The following PPP3CB variants were observed in gnomAD, a reference collection of about 807,000 sequenced individuals.
The protein encoded by PPP3CB is protein phosphatase 3 catalytic subunit beta.
A neutral mutation model predicts 66.4 loss-of-function variants in PPP3CB; 8 were observed. The ratio of observed to expected loss-of-function variants is 0.12; its 90% CI spans 0.07 to 0.22. The LOEUF (loss-of-function observed/expected upper bound fraction) is 0.22, where lower values mean the gene tolerates loss of function less well. Ranked by LOEUF, PPP3CB falls within the 10% of genes least tolerant of loss-of-function variation. The pLI is 1.00. For synonymous variants in PPP3CB, 208 were observed against 221.2 expected (o/e 0.94, Z 0.53); for missense variants, 319 against 642.5 (o/e 0.50, Z 5.44).
At chr10:73,471,882 A>G (rs531239032) in intron 4 of PPP3CB, among the ~76,000 whole-genome samples, 4 of 152,298 alleles carry the variant, frequency 2.6e-5, no homozygotes, top group Admixed American at 2.0e-4. Context: ...AAAAGGTAGC[A>G]AGAGAGAACT....
intron 1 of PPP3CB, among the ~76,000 whole-genome samples, chr10:73,494,693 T>C (rs1364576936): frequency 6.6e-6 from 1 of 152,004 alleles, no homozygotes; most frequent in Non-Finnish European, 1.5e-5. Context: ...TTAAATATTT[T>C]AATGGAAACA....
chr10:73,483,018 T>C (rs1275005141), intron 1 of PPP3CB, among the ~76,000 whole-genome samples: 3 of 152,156 alleles, frequency 2.0e-5, no homozygotes, highest in African/African-American at 7.2e-5. Flanking sequence ...ATGAGACCAC[T>C]CCCTACTTCC....
At chr10:73,452,021 C>G (rs1310277065) in intron 10 of PPP3CB, among the ~76,000 whole-genome samples, 1 of 151,718 alleles carries the variant, frequency 6.6e-6, no homozygotes, top group Non-Finnish European at 1.5e-5. Context: ...GCTGGGATTA[C>G]AGGCGTGAGC....
chr10:73,443,220 C>T lies in PPP3CB; in HGVS notation c.1366+1505G>A, dbSNP rs184986864. On this transcript the variant is annotated intron_variant, in intron 12 of 13. Transcript: ENST00000360663. Reference sequence around the variant, plus strand: ...ACACACACACATGTACACATGCACACAAAAAAAGAAAGACAGAGAGAGAGA... The same window carrying T: ...ACACACACACATGTACACATGCACATAAAAAAAGAAAGACAGAGAGAGAGA... 7.1e-5 allele frequency among the ~76,000 whole-genome samples: 7 copies of T among 98,302 alleles called. No homozygotes were observed. The East Asian group carries it at 2.0e-3, about 27-fold the overall frequency. 64.5% of individuals were successfully genotyped at this position (98,302 alleles called of 152,430 possible).
At chr10:73,450,822 G>T (rs2056332445) in intron 10 of PPP3CB, among the ~76,000 whole-genome samples, 1 of 152,156 alleles carries the variant, frequency 6.6e-6, no homozygotes, top group South Asian at 2.1e-4. Flanking sequence ...CACAGCTAGT[G>T]AACGGTAGTG....
chr10:73,475,889 C>T (rs993132357), intron 3 of PPP3CB, among the ~76,000 whole-genome samples: 9 of 152,216 alleles, frequency 5.9e-5, no homozygotes, highest in African/African-American at 2.2e-4. Context: ...GACAAGGTCT[C>T]ACTGTCACCC....
At chr10:73,440,414 C>T (rs2056124809) in intron 12 of PPP3CB, among the ~76,000 whole-genome samples, 2 of 152,256 alleles carry the variant, frequency 1.3e-5, no homozygotes, top group South Asian at 4.1e-4. Flanking sequence ...CAATGCTTTA[C>T]CTGTTACTTG....
intron 1 of PPP3CB, among the ~76,000 whole-genome samples, chr10:73,481,963 A>G (rs2056886881): frequency 6.6e-6 from 1 of 152,200 alleles, no homozygotes; most frequent in Admixed American, 6.5e-5. Context: ...ATAAAATAAA[A>G]GCCTCAAAGA....
At chr10:73,486,782 C>T (rs562494475) in intron 1 of PPP3CB, among the ~76,000 whole-genome samples, 1 of 152,338 alleles carries the variant, frequency 6.6e-6, no homozygotes, top group East Asian at 1.9e-4. Flanking sequence ...CGCATTAGCA[C>T]TTCCAACATC....
chr10:73,454,527 A>G (rs1418741677), intron 9 of PPP3CB, 38 bp from the exon 10 acceptor site: 1 of 1,439,778 alleles, frequency 6.9e-7, no homozygotes, highest in Non-Finnish European at 9.8e-7. Context: ...AGCTGACCAT[A>G]TATAACTGTC....
chr10:73,467,467 C>T, intron 9 of PPP3CB, 86 bp downstream of exon 9: 1 of 1,139,038 alleles, frequency 8.8e-7, no homozygotes, highest in Middle Eastern at 3.1e-4. Flanking sequence ...ACTTTGGTTT[C>T]CTTTAGCAAG....
At position 73,437,278 on chromosome 10, in the gene PPP3CB, C is replaced by G. The variant is rs2056084500; in HGVS notation, c.*964G>C. The G allele has an allele frequency of 6.6e-6, 1 of 152,668 alleles. No individual in the cohort carries two copies. Among genetic ancestry groups the G allele is most frequent in the South Asian group, 2.1e-4 (1 of 4,832 alleles). The allele number at this position is 152,668 out of a possible 1,614,324, so 9.5% of individuals were successfully genotyped here. A position where few individuals can be genotyped will look rare whatever the true frequency, so the allele number is the denominator to read the frequency against. ...AAATGATAGAAAGCCAGCAGCAAATCACCCTGGTGGCTCTCTAAGCAACTT... is the reference window on the plus strand; with the variant it reads ...AAATGATAGAAAGCCAGCAGCAAATGACCCTGGTGGCTCTCTAAGCAACTT... On this transcript the variant is annotated 3_prime_UTR_variant, in exon 14 of 14. Coordinates refer to ENST00000360663, the MANE Select transcript of PPP3CB (RefSeq NM_021132.4).
intron 1 of PPP3CB, among the ~76,000 whole-genome samples, chr10:73,490,747 A>C (rs1204399468): frequency 6.7e-6 from 1 of 149,646 alleles, no homozygotes. Context: ...TCTCCCTCTC[A>C]CCCCATCCCC....
At chr10:73,451,497 G>A (rs1044974144) in intron 10 of PPP3CB, among the ~76,000 whole-genome samples, 1 of 151,886 alleles carries the variant, frequency 6.6e-6, no homozygotes, top group African/African-American at 2.4e-5. Flanking sequence ...TTAAATGGAG[G>A]AAATAGTAAA....
chr10:73,474,584 C>A (rs540798203), intron 4 of PPP3CB, among the ~76,000 whole-genome samples: 2 of 151,668 alleles, frequency 1.3e-5, no homozygotes, highest in South Asian at 4.2e-4. Context: ...AAGAGTGTGC[C>A]GCCACACCCA....
chr10:73,455,467 T>C (rs2056410989), intron 9 of PPP3CB, among the ~76,000 whole-genome samples: 1 of 152,218 alleles, frequency 6.6e-6, no homozygotes, highest in African/African-American at 2.4e-5. Context: ...TCTATTATCA[T>C]ATTTACAGTT....
At chr10:73,438,840 G>A (rs1453989636) in intron 13 of PPP3CB, among the ~76,000 whole-genome samples, 2 of 152,192 alleles carry the variant, frequency 1.3e-5, no homozygotes, top group East Asian at 1.9e-4. Flanking sequence ...GGCTAAACAA[G>A]GTTAATCCTC....
chr10:73,450,211 TC>T (rs1278630125), intron 10 of PPP3CB, among the ~76,000 whole-genome samples: 1 of 152,148 alleles, frequency 6.6e-6, no homozygotes, highest in East Asian at 1.9e-4. Flanking sequence ...TCCACAGCCA[TC>T]CCATCAAGTT....
At chr10:73,463,214 C>T (rs1020373705) in intron 9 of PPP3CB, among the ~76,000 whole-genome samples, 6 of 152,154 alleles carry the variant, frequency 3.9e-5, no homozygotes, top group African/African-American at 7.2e-5. Context: ...CCCCACTCTC[C>T]GTTCCTAATG....
Sources: gnomAD v4.1 joint callset for allele counts (sites outside exome capture counted in the v4.1 genomes callset) on GRCh38, gnomAD v4.1.1 for gene constraint, MANE v1.5 for transcripts, NCBI Gene and HGNC (gene_info 2026-07-23, HGNC 2026-07-21) for gene names.